The following SPAG16 variants were observed in gnomAD, a reference collection of about 807,000 sequenced individuals.
SPAG16 encodes sperm-associated antigen 16 protein.
A neutral mutation model predicts 80.4 loss-of-function variants in SPAG16; 86 were observed. The ratio of observed to expected loss-of-function variants is 1.07; its 90% confidence interval spans 0.90 to 1.28. The LOEUF is 1.28. SPAG16 is among the 50% of genes most tolerant of loss of function. The probability of loss-of-function intolerance (pLI) is 0.00; values close to 1 mark genes in which losing one functional copy is unlikely to be tolerated. For synonymous variants in SPAG16, 294 were observed against 265.9 expected (o/e 1.11, Z -1.03); for missense variants, 870 against 765.3 (o/e 1.14, Z -1.61).
intron 1 of SPAG16, among the ~76,000 whole-genome samples, chr2:213,293,101 A>T (rs2062361087): frequency 1.3e-5 from 2 of 152,152 alleles, no homozygotes; most frequent in East Asian, 3.9e-4. Flanking sequence ...TGCTCTTGTG[A>T]TAATGAGTGA....
At chr2:213,442,083 T>C (rs1226289238) in intron 9 of SPAG16, among the ~76,000 whole-genome samples, 1 of 152,138 alleles carries the variant, frequency 6.6e-6, no homozygotes, top group Non-Finnish European at 1.5e-5. Context: ...GGGAGGCGGA[T>C]GTTGCAGTGA....
chr2:213,887,837 T>C (rs1460451160), intron 11 of SPAG16, among the ~76,000 whole-genome samples: 4 of 151,852 alleles, frequency 2.6e-5, no homozygotes, highest in Non-Finnish European at 5.9e-5. Context: ...GAGTTTGTTA[T>C]GTATTATTAA....
At chr2:214,115,754 G>A (rs762816436) in intron 14 of SPAG16, among the ~76,000 whole-genome samples, 16 of 151,642 alleles carry the variant, frequency 1.1e-4, no homozygotes, top group African/African-American at 3.4e-4. Flanking sequence ...CTTGTGTGCC[G>A]GTAGTCCCAG....
At chr2:213,918,793 G>A (rs911362199) in intron 11 of SPAG16, among the ~76,000 whole-genome samples, 1 of 152,032 alleles carries the variant, frequency 6.6e-6, no homozygotes, top group Admixed American at 6.6e-5. Context: ...TTTTATTACT[G>A]ATTCAGTTTT....
chr2:213,605,654 T>C (rs1412501908), intron 10 of SPAG16, among the ~76,000 whole-genome samples: 1 of 152,056 alleles, frequency 6.6e-6, no homozygotes, highest in Non-Finnish European at 1.5e-5. Flanking sequence ...CACACCTGGC[T>C]AATTTTTTAT....
At chr2:213,448,888 A>G (rs372283921) in intron 9 of SPAG16, among the ~76,000 whole-genome samples, 14 of 152,304 alleles carry the variant, frequency 9.2e-5, no homozygotes, top group African/African-American at 3.4e-4. Flanking sequence ...TTGAAAAAGA[A>G]CAGAATAACA....
chr2:213,799,152 C>G (rs1292645036), intron 10 of SPAG16, among the ~76,000 whole-genome samples: 2 of 152,008 alleles, frequency 1.3e-5, no homozygotes, highest in Non-Finnish European at 2.9e-5. Context: ...ATCTATAGAC[C>G]AATTTGTAGA....
At chr2:213,509,007 T>TTC (rs1441366691) in intron 10 of SPAG16, among the ~76,000 whole-genome samples, 22 of 149,742 alleles carry the variant, frequency 1.5e-4, no homozygotes, top group African/African-American at 4.9e-4. Flanking sequence ...TTCTTTTCTT[T>TTC]TTTTTTTGAG....
At chr2:213,596,507 C>T (rs1354710790) in intron 10 of SPAG16, among the ~76,000 whole-genome samples, 2 of 152,090 alleles carry the variant, frequency 1.3e-5, no homozygotes, top group Non-Finnish European at 2.9e-5. Flanking sequence ...AGGCATCTCT[C>T]TGACCTAAAT....
chr2:214,289,986 G>A (rs34040211), intron 15 of SPAG16, among the ~76,000 whole-genome samples: 579 of 152,228 alleles, frequency 3.8e-3, no homozygotes, highest in Non-Finnish European at 6.2e-3. Flanking sequence ...ATACTTTCAG[G>A]AGAATTGGTA....
intron 11 of SPAG16, among the ~76,000 whole-genome samples, chr2:213,883,976 C>G (rs2076454866): frequency 6.6e-6 from 1 of 152,060 alleles, no homozygotes; most frequent in South Asian, 2.1e-4. Flanking sequence ...CACTCTCTGC[C>G]TTTTAAGTGG....
chr2:213,736,634 C>A (rs1373712202), intron 10 of SPAG16, among the ~76,000 whole-genome samples: 1 of 151,744 alleles, frequency 6.6e-6, no homozygotes, highest in Non-Finnish European at 1.5e-5. Context: ...GATCTTAATA[C>A]CAAATTAAGA....
chr2:214,088,974 A>G (rs776117019), intron 13 of SPAG16, among the ~76,000 whole-genome samples: 17 of 152,184 alleles, frequency 1.1e-4, no homozygotes, highest in Non-Finnish European at 2.4e-4. Flanking sequence ...ATATTTGCAA[A>G]CTTAAATCCT....
intron 10 of SPAG16, among the ~76,000 whole-genome samples, chr2:213,861,640 T>C (rs893795922): frequency 2.0e-5 from 3 of 152,174 alleles, no homozygotes; most frequent in African/African-American, 7.2e-5. Context: ...TCCCATTACA[T>C]TGTAAGGCAT....
At chr2:213,495,939 C>T (rs958961427) in intron 10 of SPAG16, among the ~76,000 whole-genome samples, 2 of 152,048 alleles carry the variant, frequency 1.3e-5, no homozygotes, top group Non-Finnish European at 2.9e-5. Context: ...ACTTGGGGAT[C>T]AAAGAGCCTG....
chr2:213,327,163 GTTT>G (rs5838379), intron 5 of SPAG16, among the ~76,000 whole-genome samples: 20 of 147,230 alleles, frequency 1.4e-4, no homozygotes, highest in African/African-American at 4.2e-4. Context: ...TGTTTGCTGT[GTTT>G]TTTTTTTTTT....
chr2:214,137,319 TATA>T (rs1402983392), intron 14 of SPAG16, among the ~76,000 whole-genome samples: 2 of 152,062 alleles, frequency 1.3e-5, no homozygotes, highest in Non-Finnish European at 2.9e-5. Flanking sequence ...GCAATGCCAT[TATA>T]ATAGTTTAGT....
intron 15 of SPAG16, among the ~76,000 whole-genome samples, chr2:214,236,292 A>T (rs1404433376): frequency 2.0e-5 from 3 of 152,210 alleles, no homozygotes; most frequent in African/African-American, 7.2e-5. Flanking sequence ...AGTAAAAATG[A>T]TAAGAGCATA....
intron 10 of SPAG16, among the ~76,000 whole-genome samples, chr2:213,552,739 G>C (rs1236927826): frequency 6.6e-6 from 1 of 152,062 alleles, no homozygotes; most frequent in African/African-American, 2.4e-5. Flanking sequence ...CAGTGGACTA[G>C]GAGAGGCAGA....
Sources: gnomAD v4.1 joint callset for allele counts (sites outside exome capture counted in the v4.1 genomes callset) on GRCh38, gnomAD v4.1.1 for gene constraint, MANE v1.5 for transcripts, NCBI Gene and HGNC (gene_info 2026-07-23, HGNC 2026-07-21) for gene names.